CHLSN: variants seen among roughly 807,000 people sequenced by gnomAD.
CHLSN encodes protein cholesin.
the CHLSN span, among the ~76,000 whole-genome samples, chr7:1,122,968 G>A: frequency 2.4e-3 from 372 of 152,274 alleles, 3 homozygotes; most frequent in African/African-American, 8.5e-3. Context: ...ACAGGCCCAT[G>A]GGAGCAACTG....
chr7:1,135,455 C>A, the CHLSN span, among the ~76,000 whole-genome samples: 16,175 of 151,850 alleles, frequency 0.11, 1,492 homozygotes, highest in African/African-American at 0.25. Context: ...ACACATATAT[C>A]TACATGTGTG....
At chr7:1,136,365 TATAA>T in the CHLSN span, among the ~76,000 whole-genome samples, 1 of 31,262 alleles carries the variant, frequency 3.2e-5, no homozygotes, top group South Asian at 6.9e-4. Flanking sequence ...TAAACATATA[TATAA>T]ATATATATAA....
chr7:1,094,191 C>A, the CHLSN span, among the ~76,000 whole-genome samples: 17 of 152,362 alleles, frequency 1.1e-4, no homozygotes, highest in Middle Eastern at 3.4e-3. Context: ...CGGGAAGGTT[C>A]CTGCTCCTTC....
the CHLSN span, chr7:1,000,396 C>T: frequency 1.3e-5 from 16 of 1,242,308 alleles, no homozygotes; most frequent in East Asian, 2.2e-4. Flanking sequence ...CCTCAGCCCC[C>T]GGGGGGACGT....
chr7:1,106,405 G>A, the CHLSN span, among the ~76,000 whole-genome samples: 2 of 152,214 alleles, frequency 1.3e-5, no homozygotes, highest in Non-Finnish European at 2.9e-5. Context: ...GTGTGGGGGA[G>A]AGGACAGAGC....
the CHLSN span, chr7:984,896 C>A: frequency 3.3e-6 from 5 of 1,529,418 alleles, no homozygotes; most frequent in East Asian, 2.3e-5. Flanking sequence ...ACTTGCCTGG[C>A]GGGGCTGGCT....
chr7:1,017,675 C>G, the CHLSN span, among the ~76,000 whole-genome samples: 3 of 152,234 alleles, frequency 2.0e-5, no homozygotes, highest in Admixed American at 6.5e-5. Flanking sequence ...GGAGACTTCT[C>G]CAGTGGGATC....
At chr7:997,900 T>A in the CHLSN span, 1 of 1,208,504 alleles carries the variant, frequency 8.3e-7, no homozygotes, top group Non-Finnish European at 1.2e-6. Flanking sequence ...CACCCGGGCC[T>A]CAGGCTTCCG....
the CHLSN span, among the ~76,000 whole-genome samples, chr7:982,614 C>T: frequency 6.6e-6 from 1 of 152,266 alleles, no homozygotes; most frequent in African/African-American, 2.4e-5. Context: ...CGAGAACACC[C>T]TCAGGGAGAT....
the CHLSN span, among the ~76,000 whole-genome samples, chr7:1,001,670 A>G: frequency 5.3e-4 from 12 of 22,490 alleles, no homozygotes; most frequent in African/African-American, 1.4e-3. Context: ...CCTGTGGGTG[A>G]GTGGAGTCCT....
chr7:1,041,376 AG>A, the CHLSN span, among the ~76,000 whole-genome samples: 3 of 76,428 alleles, frequency 3.9e-5, no homozygotes, highest in African/African-American at 1.0e-4. Context: ...TCCGCGCTGC[AG>A]GGGAACGGGA....
chr7:1,054,282 C>T, the CHLSN span, among the ~76,000 whole-genome samples: 1 of 152,222 alleles, frequency 6.6e-6, no homozygotes, highest in South Asian at 2.1e-4. Flanking sequence ...CGGCTTGTAA[C>T]CTTCACTGGA....
chr7:1,015,305 G>T, the CHLSN span, among the ~76,000 whole-genome samples: 1 of 152,158 alleles, frequency 6.6e-6, no homozygotes, highest in Non-Finnish European at 1.5e-5. Context: ...CCGGGCATGA[G>T]AGCAGGTGTG....
chr7:1,094,737 C>G, the CHLSN span, among the ~76,000 whole-genome samples: 1 of 152,078 alleles, frequency 6.6e-6, no homozygotes, highest in African/African-American at 2.4e-5. Context: ...CCAGTAAAAC[C>G]TCTCTCCTCC....
At chr7:1,013,068 G>A in the CHLSN span, among the ~76,000 whole-genome samples, 20 of 152,154 alleles carry the variant, frequency 1.3e-4, 1 homozygote, top group South Asian at 6.2e-4. Flanking sequence ...CGGGAGGGTG[G>A]TGGGGCCGCC....
the CHLSN span, among the ~76,000 whole-genome samples, chr7:1,061,775 A>G: frequency 2.0e-5 from 3 of 149,442 alleles, no homozygotes; most frequent in East Asian, 2.0e-4. Context: ...CCGTCTCCCC[A>G]ACTCCCCAAT....
the CHLSN span, among the ~76,000 whole-genome samples, chr7:1,019,211 ACG>A: frequency 0.11 from 4,809 of 43,562 alleles, 314 homozygotes; most frequent in African/African-American, 0.19. Flanking sequence ...AAAAAAAAAA[ACG>A]GGGGGGGGGG....
chr7:1,057,705 G>A, the CHLSN span: 13 of 775,102 alleles, frequency 1.7e-5, no homozygotes, highest in South Asian at 2.7e-5. Flanking sequence ...CATGCCGGAC[G>A]TGTACTTTGT....
chr7:1,125,597 G>GA, the CHLSN span, among the ~76,000 whole-genome samples: 13,317 of 152,218 alleles, frequency 0.087, 1,389 homozygotes, highest in African/African-American at 0.25. Flanking sequence ...AAAGTTTAAG[G>GA]ACTTAAGCAA....
Sources: allele counts gnomAD v4.1 joint callset (sites outside exome capture counted in the v4.1 genomes callset), GRCh38; gene constraint gnomAD v4.1.1; transcripts MANE v1.5; gene names NCBI Gene and HGNC (gene_info 2026-07-23, HGNC 2026-07-21).